The following PDE12 variants were observed in gnomAD, a reference collection of about 807,000 sequenced individuals.
PDE12 encodes 2',5'-phosphodiesterase 12.
PDE12 carries 26 observed loss-of-function variants against 45.4 expected under a neutral mutation model. The ratio of observed to expected loss-of-function variants is 0.57; its 90% CI spans 0.42 to 0.79. The LOEUF (loss-of-function observed/expected upper bound fraction) is 0.79. Ranked by LOEUF, PDE12 falls within the 30% of genes least tolerant of loss-of-function variation. The probability of loss-of-function intolerance (pLI) is 0.00; values close to 1 mark genes in which losing one functional copy is unlikely to be tolerated. For synonymous variants in PDE12, 283 were observed against 323.9 expected (o/e 0.87, Z 1.36); for missense variants, 668 against 790.0 (o/e 0.85, Z 1.85).
At chr3:57,596,329 C>A in the PDE12 span, among the ~76,000 whole-genome samples, 3 of 152,222 alleles carry the variant, frequency 2.0e-5, no homozygotes, top group East Asian at 5.8e-4. Context: ...AATTTTTTTG[C>A]ATTAGACCTT....
At chr3:57,568,814 G>T (rs1157289636), downstream of PDE12, among the ~76,000 whole-genome samples, 2 of 145,144 alleles carry the variant, frequency 1.4e-5, no homozygotes, top group African/African-American at 5.1e-5. Context: ...CAGAAAAGCA[G>T]CTTATGTTAA....
chr3:57,567,004 C>T (rs2069791190), downstream of PDE12, among the ~76,000 whole-genome samples: 1 of 152,104 alleles, frequency 6.6e-6, no homozygotes, highest in Admixed American at 6.6e-5. Context: ...CAAGTACTTA[C>T]ATGCCCAATA....
At chr3:57,607,206 TAACA>T in the PDE12 span, among the ~76,000 whole-genome samples, 56 of 152,158 alleles carry the variant, frequency 3.7e-4, no homozygotes, top group African/African-American at 1.3e-3. Context: ...GAAGGAAAAC[TAACA>T]AACAGGACAT....
At chr3:57,625,891 C>T in the PDE12 span, 1 of 152,488 alleles carries the variant, frequency 6.6e-6, no homozygotes, top group African/African-American at 2.4e-5. Context: ...AATGATACAT[C>T]CTGTAGTGGC....
chr3:57,560,341 T>C lies in PDE12; in HGVS notation c.*337T>C. On this transcript the variant is annotated 3_prime_UTR_variant, in exon 3 of 3. Transcript: ENST00000311180. ...TGTTTTTGTTTTTGTTTTTGTTTTTTTGAGATGGAGTTTCACTCTTGTTGC... is the reference window on the plus strand; with the variant it reads ...TGTTTTTGTTTTTGTTTTTGTTTTTCTGAGATGGAGTTTCACTCTTGTTGC... The C allele has an allele frequency of 9.6e-7, 1 of 1,039,872 alleles. No homozygotes were observed. Among genetic ancestry groups the C allele is most frequent in the South Asian group, 3.1e-5 (1 of 32,502 alleles). 64.4% of individuals were successfully genotyped at this position (1,039,872 alleles called of 1,614,324 possible). A position where few individuals can be genotyped will look rare whatever the true frequency, so the allele number is the denominator to read the frequency against.
chr3:57,644,148 T>G, the PDE12 span, among the ~76,000 whole-genome samples: 1 of 117,506 alleles, frequency 8.5e-6, no homozygotes, highest in African/African-American at 3.4e-5. Flanking sequence ...AGACTCCATC[T>G]CAAAAAAAAA....
the PDE12 span, among the ~76,000 whole-genome samples, chr3:57,655,538 C>G: frequency 1.3e-5 from 2 of 152,140 alleles, no homozygotes; most frequent in African/African-American, 4.8e-5. Flanking sequence ...CATGATGCCA[C>G]AAGTGGAAAA....
the PDE12 span, among the ~76,000 whole-genome samples, chr3:57,609,721 C>T: frequency 6.6e-6 from 1 of 152,116 alleles, no homozygotes; most frequent in Admixed American, 6.6e-5. Flanking sequence ...ATAACAGGCT[C>T]TGAAATTGAG....
the PDE12 span, among the ~76,000 whole-genome samples, chr3:57,579,394 TCTC>T: frequency 6.6e-6 from 1 of 151,556 alleles, no homozygotes; most frequent in South Asian, 2.1e-4. Context: ...TTCAAATAAT[TCTC>T]CTGCCTCAGC....
At chr3:57,602,963 T>C in the PDE12 span, among the ~76,000 whole-genome samples, 1 of 151,926 alleles carries the variant, frequency 6.6e-6, no homozygotes, top group East Asian at 2.0e-4. Flanking sequence ...AGGTGGGAGT[T>C]TGAGACCAAC....
Position 57,559,887 on chromosome 3 carries a change from G to T in PDE12, c.1713G>T (p.Glu571Asp), listed in dbSNP as rs751272952. ...TTTTCATTGACTTAAATGCTTTAGA[G>T]GTTGAACAGGTGATTCCATTACCTA... is the stretch of plus-strand genomic sequence containing the variant. ...DYIFIDLNALEVEQVIPLPSH... is the reference protein window; with the variant it reads ...DYIFIDLNALDVEQVIPLPSH... Residue 571 changes from glutamate to aspartate, a missense_variant, in exon 3 of 3, where the codon GAG becomes GAT. Transcript: ENST00000311180. The T allele has an allele frequency of 2.5e-6, 4 of 1,613,994 alleles. No homozygotes were observed. The highest frequency in any genetic ancestry group is 4.5e-5 in the East Asian group (2 of 44,878).
downstream of PDE12, among the ~76,000 whole-genome samples, chr3:57,568,494 A>G (rs2069806380): frequency 6.6e-6 from 1 of 152,118 alleles, no homozygotes; most frequent in Admixed American, 6.6e-5. Flanking sequence ...CCTGAAAGTA[A>G]TTACTACTGC....
At chr3:57,600,487 C>G in the PDE12 span, among the ~76,000 whole-genome samples, 1 of 149,644 alleles carries the variant, frequency 6.7e-6, no homozygotes, top group Non-Finnish European at 1.5e-5. Context: ...CCTCTCCCTT[C>G]CCCTCCCCTC....
chr3:57,588,639 A>G, the PDE12 span, among the ~76,000 whole-genome samples: 2 of 147,044 alleles, frequency 1.4e-5, no homozygotes, highest in African/African-American at 5.1e-5. Flanking sequence ...GGATCACCTG[A>G]AGTCAGGAGT....
the PDE12 span, among the ~76,000 whole-genome samples, chr3:57,584,857 G>C: frequency 1.3e-5 from 2 of 151,834 alleles, no homozygotes; most frequent in Non-Finnish European, 2.9e-5. Flanking sequence ...GCATTTTTTG[G>C]GGGGTGGAGG....
the PDE12 span, among the ~76,000 whole-genome samples, chr3:57,612,136 CA>C: frequency 6.7e-6 from 1 of 149,526 alleles, no homozygotes; most frequent in Non-Finnish European, 1.5e-5. Flanking sequence ...CAAACTATCA[CA>C]AGGACAAAAA....
chr3:57,634,783 C>T, the PDE12 span: 1 of 1,532,024 alleles, frequency 6.5e-7, no homozygotes, highest in Non-Finnish European at 8.8e-7. Flanking sequence ...AAGGAAGCAG[C>T]ATAAAGATTT....
the PDE12 span, among the ~76,000 whole-genome samples, chr3:57,578,449 A>G: frequency 7.9e-6 from 1 of 126,342 alleles, no homozygotes; most frequent in African/African-American, 2.8e-5. Flanking sequence ...ATTCTTTAAA[A>G]AAAGGAAGGT....
chr3:57,588,574 T>C, the PDE12 span, among the ~76,000 whole-genome samples: 1 of 140,612 alleles, frequency 7.1e-6, no homozygotes, highest in Non-Finnish European at 1.5e-5. Context: ...CAGGTGTGAG[T>C]GGGGCACAGT....
Sources: gnomAD v4.1 joint callset for allele counts (sites outside exome capture counted in the v4.1 genomes callset) on GRCh38, gnomAD v4.1.1 for gene constraint, MANE v1.5 for transcripts, NCBI Gene and HGNC (gene_info 2026-07-23, HGNC 2026-07-21) for gene names.